The following RAC1 variants were observed in gnomAD, a reference collection of about 807,000 sequenced individuals.
RAC1 encodes the protein Rac family small GTPase 1.
Under a neutral mutation model 25.2 loss-of-function variants are expected in RAC1, and 2 were observed. The ratio of observed to expected loss-of-function variants is 0.08; its 90% CI spans 0.03 to 0.25. The LOEUF (loss-of-function observed/expected upper bound fraction) is 0.25. Ranked by LOEUF, RAC1 falls within the 10% of genes least tolerant of loss-of-function variation. The pLI is 1.00. For synonymous variants in RAC1, 88 were observed against 94.0 expected (o/e 0.94, Z 0.37); for missense variants, 50 against 235.7 (o/e 0.21, Z 5.16).
At chr7:6,390,737 T>C (rs529591140) in intron 2 of RAC1, among the ~76,000 whole-genome samples, 2 of 152,338 alleles carry the variant, frequency 1.3e-5, no homozygotes, top group Admixed American at 1.3e-4. Context: ...CTAAAATTTT[T>C]ATCTTTAATT....
intron 2 of RAC1, among the ~76,000 whole-genome samples, chr7:6,391,013 C>T (rs1783077351): frequency 1.3e-5 from 2 of 152,130 alleles, no homozygotes; most frequent in African/African-American, 4.8e-5. Flanking sequence ...TCTCTTGCCT[C>T]AGCCTCCCAA....
chr7:6,382,484 AT>A (rs1367193017), intron 1 of RAC1, among the ~76,000 whole-genome samples: 3 of 152,058 alleles, frequency 2.0e-5, no homozygotes, highest in Non-Finnish European at 4.4e-5. Context: ...GCGTTTCTAG[AT>A]TTGTTGATTG....
At chr7:6,383,366 AATCAG>A (rs1361800598) in intron 1 of RAC1, among the ~76,000 whole-genome samples, 1 of 152,202 alleles carries the variant, frequency 6.6e-6, no homozygotes, top group African/African-American at 2.4e-5. Flanking sequence ...TAAAAGTTTT[AATCAG>A]AAGACTTAAA....
chr7:6,396,470 C>T (rs931402239), intron 3 of RAC1, among the ~76,000 whole-genome samples: 7 of 152,238 alleles, frequency 4.6e-5, no homozygotes, highest in East Asian at 1.9e-4. Context: ...ATAGCACGAA[C>T]GCCGGGTGGA....
At chr7:6,382,629 C>A (rs1318483676) in intron 1 of RAC1, among the ~76,000 whole-genome samples, 2 of 152,108 alleles carry the variant, frequency 1.3e-5, no homozygotes. Context: ...TTTGGGAGGC[C>A]GATGGGGTGG....
chr7:6,391,409 C>T (rs1309485008), intron 2 of RAC1: 1 of 153,946 alleles, frequency 6.5e-6, no homozygotes, highest in Non-Finnish European at 1.4e-5. Context: ...ACATTTGTAT[C>T]ATCAGTTAAC....
intron 1 of RAC1, among the ~76,000 whole-genome samples, chr7:6,381,619 T>G (rs1183756809): frequency 6.6e-6 from 1 of 152,108 alleles, no homozygotes; most frequent in African/African-American, 2.4e-5. Flanking sequence ...GGTCTTGAAC[T>G]CCTAAGGTCA....
intron 1 of RAC1, among the ~76,000 whole-genome samples, chr7:6,376,547 G>T (rs1782604955): frequency 6.9e-6 from 1 of 145,896 alleles, no homozygotes; most frequent in Admixed American, 7.0e-5. Context: ...CTGTCGCCCA[G>T]GCTGGAGTGC....
Position 6,388,632 on chromosome 7 carries a change from C to A in RAC1, c.107+1349C>A, listed in dbSNP as rs538217566. On this transcript the variant is annotated intron_variant, in intron 2 of 5. Transcript: ENST00000348035. ...GTGCTGGGATTACAGGCGTGAGCCA[C>A]GGCACCCATTTTTTACTGTAAGTGG... Among the ~76,000 whole-genome samples the A allele has an allele frequency of 2.0e-5, 3 of 152,104 alleles. No homozygotes were observed. The East Asian group carries it at 5.8e-4, about 30-fold the overall frequency.
rs1461673734 is a variant in RAC1 at position 6,390,093 on chromosome 7, T to TC, written c.108-1828dup. On this transcript the variant is annotated intron_variant, in intron 2 of 5. Coordinates refer to ENST00000348035, the MANE Select transcript of RAC1 (RefSeq NM_006908.5). ...CTCCCTCCCTTGCTCCCTCCCTCCCTCCCTTTTTTTTTTTTTTTTTTTTTG... is the reference window on the plus strand; with the variant it reads ...CTCCCTCCCTTGCTCCCTCCCTCCCTCCCCTTTTTTTTTTTTTTTTTTTTTG... Among the ~76,000 whole-genome samples, 50 of 52,716 alleles carry TC rather than the reference T, an allele frequency of 9.5e-4. No individual in the cohort carries two copies. In the South Asian group the frequency reaches 0.01, roughly 11 times the overall value. The allele number at this position is 52,716 out of a possible 152,430, so 34.6% of individuals were successfully genotyped here. A position where few individuals can be genotyped will look rare whatever the true frequency, so the allele number is the denominator to read the frequency against.
intron 3 of RAC1, among the ~76,000 whole-genome samples, chr7:6,392,250 G>A (rs1783109848): frequency 6.6e-6 from 1 of 152,144 alleles, no homozygotes; most frequent in Non-Finnish European, 1.5e-5. Context: ...CTGTTCCATT[G>A]TTGGGCATTT....
intron 4 of RAC1, chr7:6,401,610 C>T: frequency 3.5e-6 from 1 of 284,892 alleles, no homozygotes; most frequent in East Asian, 5.9e-5. Flanking sequence ...CCCCCTTCCC[C>T]TGCGGTTGTA....
intron 2 of RAC1, among the ~76,000 whole-genome samples, chr7:6,390,971 A>G (rs1783076406): frequency 6.6e-6 from 1 of 152,114 alleles, no homozygotes; most frequent in South Asian, 2.1e-4. Flanking sequence ...AACTTGGCCC[A>G]CTGCAACCTC....
intron 1 of RAC1, among the ~76,000 whole-genome samples, chr7:6,386,439 G>C (rs1782925652): frequency 6.6e-6 from 1 of 152,112 alleles, no homozygotes; most frequent in Non-Finnish European, 1.5e-5. Flanking sequence ...TAAGGCAGCA[G>C]AATAAGTTAC....
At chr7:6,378,557 G>A (rs1583256787) in intron 1 of RAC1, among the ~76,000 whole-genome samples, 1 of 151,574 alleles carries the variant, frequency 6.6e-6, no homozygotes, top group African/African-American at 2.4e-5. Context: ...GAAAAAAAAA[G>A]AAAAAAAGTC....
intron 2 of RAC1, among the ~76,000 whole-genome samples, chr7:6,390,173 C>G (rs564544483): frequency 3.2e-4 from 47 of 146,436 alleles, no homozygotes; most frequent in African/African-American, 1.0e-3. Flanking sequence ...GTCCTTCCAC[C>G]TCAGCCTATT....
At chr7:6,389,922 TTTCC>T (rs909361983) in intron 2 of RAC1, among the ~76,000 whole-genome samples, 7 of 151,298 alleles carry the variant, frequency 4.6e-5, no homozygotes, top group Non-Finnish European at 7.4e-5. Context: ...TGATGGAACA[TTTCC>T]TTCCTTCCTT....
chr7:6,382,757 C>T (rs959280892), intron 1 of RAC1, among the ~76,000 whole-genome samples: 1 of 152,174 alleles, frequency 6.6e-6, no homozygotes, highest in Non-Finnish European at 1.5e-5. Context: ...CGTGTAGTCC[C>T]AGCTACTTGG....
intron 2 of RAC1, 92 bp from the exon 3 acceptor site, chr7:6,391,832 C>A (rs1783100895): frequency 6.3e-6 from 10 of 1,592,984 alleles, no homozygotes; most frequent in Non-Finnish European, 8.6e-6. Context: ...GGCCCGTCCC[C>A]AGCCTTTTTC....
Sources: allele counts gnomAD v4.1 joint callset (sites outside exome capture counted in the v4.1 genomes callset), GRCh38; gene constraint gnomAD v4.1.1; transcripts MANE v1.5; gene names NCBI Gene and HGNC (gene_info 2026-07-23, HGNC 2026-07-21).